DNMT3L: variants seen among roughly 807,000 people sequenced by gnomAD.
The protein encoded by DNMT3L is DNA (cytosine-5)-methyltransferase 3-like.
DNMT3L carries 33 observed loss-of-function variants against 36.2 expected under a neutral mutation model. The ratio of observed to expected loss-of-function variants is 0.91; its 90% CI spans 0.69 to 1.22. The LOEUF (loss-of-function observed/expected upper bound fraction) is 1.22. Ranked by LOEUF, DNMT3L falls within the 50% of genes most tolerant of loss-of-function variation. DNMT3L has a pLI of 0.00. For missense variants in DNMT3L, 310 were observed against 303.1 expected (o/e 1.02, Z -0.17); for synonymous variants, 117 against 121.7 (o/e 0.96, Z 0.26).
intron 3 of DNMT3L, among the ~76,000 whole-genome samples, chr21:44,260,188 G>C (rs1482658847): frequency 2.0e-5 from 3 of 152,106 alleles, no homozygotes; most frequent in African/African-American, 7.2e-5. Context: ...AATTCATACG[G>C]AAATGCAAAG....
At chr21:44,255,505 C>CAG (rs1555867982) in intron 7 of DNMT3L, among the ~76,000 whole-genome samples, 68 of 145,882 alleles carry the variant, frequency 4.7e-4, no homozygotes, top group South Asian at 2.4e-3. Context: ...GACTCCGCCT[C>CAG]AAAAAAAAAA....
rs540671024 is a variant in DNMT3L at position 44,254,986 on chromosome 21, C to T, written c.605-281G>A. The stretch of plus-strand genomic sequence containing the variant: ...GACTACAGGCATGTGCCACCACGCC[C>T]GGCTAATTTTTTTGTATTTTTAGTA... On this transcript the variant is annotated intron_variant, in intron 7 of 11. Transcript: ENST00000628202. 5.3e-5 allele frequency among the ~76,000 whole-genome samples: 8 copies of T among 152,152 alleles called. No individual in the cohort carries two copies. In the South Asian group the frequency reaches 1.0e-3, roughly 20 times the overall value.
rs953945825 is a variant in DNMT3L, at chr21:44,261,754, G to C, written c.-22C>G. The C allele has an allele frequency of 6.4e-6, 1 of 155,576 alleles. No individual in the cohort carries two copies. Among genetic ancestry groups the C allele is most frequent in the African/African-American group, 2.4e-5 (1 of 41,474 alleles). 9.6% of individuals were successfully genotyped at this position (155,576 alleles called of 1,614,324 possible). A position where few individuals can be genotyped will look rare whatever the true frequency, so the allele number is the denominator to read the frequency against. On this transcript the variant is annotated 5_prime_UTR_variant, in exon 1 of 12. Transcript: ENST00000628202. The stretch of plus-strand genomic sequence containing the variant: ...AAGAGACTCACAGGGCTGCTGCCAC[G>C]GCTCCGGGTACAGCCAGCTGGTGGG...
At chr21:44,261,317 C>G (rs2040317140) in intron 1 of DNMT3L, 51 bp from the exon 2 acceptor site, 2 of 1,556,822 alleles carry the variant, frequency 1.3e-6, no homozygotes, top group Non-Finnish European at 1.8e-6. Flanking sequence ...AGCCCCTGCT[C>G]AGATCCCTGA....
At chr21:44,259,345 G>A in intron 5 of DNMT3L, 92 bp downstream of exon 5, 1 of 1,312,188 alleles carries the variant, frequency 7.6e-7, no homozygotes, top group Non-Finnish European at 1.1e-6. Flanking sequence ...ATCCATTTGG[G>A]AAGAAAATCC....
chr21:44,257,696 ATAAATAAAT>A (rs1184852821), intron 6 of DNMT3L, among the ~76,000 whole-genome samples: 20 of 58,854 alleles, frequency 3.4e-4, no homozygotes, highest in Non-Finnish European at 4.7e-4. Flanking sequence ...AAAAAAAAAA[ATAAATAAAT>A]AAATAAATAA....
chr21:44,254,337 T>TG (rs779295407), intron 8 of DNMT3L, among the ~76,000 whole-genome samples: 1 of 152,232 alleles, frequency 6.6e-6, no homozygotes, highest in Non-Finnish European at 1.5e-5. Flanking sequence ...TGCCCTGCTC[T>TG]GAGCTCTGGG....
chr21:44,259,479 G>C lies in DNMT3L; in HGVS notation c.302C>G (p.Ser101Cys), dbSNP rs1568917212. Residue 101 changes from serine to cysteine, a missense_variant, in exon 5 of 12, where the codon TCC (serine) becomes TGC (cysteine). Coordinates refer to ENST00000628202, the MANE Select transcript of DNMT3L (RefSeq NM_175867.3). Reference protein sequence around the residue: ...GYQSYCSICCSGETLLICGNP... With the variant: ...GYQSYCSICCCGETLLICGNP... ...TCCGCAGATGAGCAGCGTCTCTCCG[G>C]AGCAGCAGATGGAGCAGTAGGATTG... The C allele has an allele frequency of 6.2e-7, 1 of 1,613,700 alleles. No homozygotes were observed. Among genetic ancestry groups the C allele is most frequent in the South Asian group, 1.1e-5 (1 of 91,074 alleles).
intron 8 of DNMT3L, among the ~76,000 whole-genome samples, chr21:44,253,330 A>G (rs2040233871): frequency 1.5e-5 from 2 of 130,178 alleles, no homozygotes; most frequent in Non-Finnish European, 3.2e-5. Context: ...GCCTGAACAC[A>G]TGCCCTTCAG....
In DNMT3L at chr21:44,258,736, C is replaced by T. The variant is rs2040287560; in HGVS notation, c.345-42G>A. ...AACCACAGCAGCGGACATGACAGCC[C>T]ACCTCTCCTGAGGATGGCAGAGGTG... On this transcript the variant is annotated intron_variant, in intron 5 of 11. Coordinates refer to ENST00000628202, the MANE Select transcript of DNMT3L (RefSeq NM_175867.3). This position sits in a 1 kb window ranked among gnomAD's most constrained non-coding sequence, Gnocchi z 6.2. 1 of 1,597,724 alleles carries T rather than the reference C, an allele frequency of 6.3e-7. No individual in the cohort carries two copies.
intron 7 of DNMT3L, 72 bp from the exon 8 acceptor site, chr21:44,254,777 TGACG>T (rs2040244612): frequency 2.7e-6 from 4 of 1,493,386 alleles, no homozygotes; most frequent in East Asian, 4.6e-5. Context: ...TCGAAAAGGC[TGACG>T]GACGATCAGA....
chr21:44,261,034 T>A, intron 2 of DNMT3L, 120 bp downstream of exon 2: 1 of 1,409,386 alleles, frequency 7.1e-7, no homozygotes, highest in East Asian at 2.3e-5. Context: ...GGGAACCTCC[T>A]GCCCCAGCCC....
In DNMT3L at chr21:44,256,054, A is replaced by G. The variant is rs903739974; in HGVS notation, c.604+13T>C. ...ATCTTTCCATGTGTGTCTTTGGGACATCACTGACTCACCTTTCTTGATGTC... is the reference window on the plus strand; with the variant it reads ...ATCTTTCCATGTGTGTCTTTGGGACGTCACTGACTCACCTTTCTTGATGTC... On this transcript the variant is annotated intron_variant, in intron 7 of 11. Transcript: ENST00000628202. 6.2e-7 allele frequency: 1 copy of G among 1,613,602 alleles called. No individual in the cohort carries two copies. Among genetic ancestry groups the G allele is most frequent in the Non-Finnish European group, 8.5e-7 (1 of 1,179,936 alleles).
rs2040279955 is a variant in DNMT3L, at chr21:44,258,172, G to C, written c.516+351C>G. Among the ~76,000 whole-genome samples the C allele has an allele frequency of 6.6e-6, 1 of 152,028 alleles. No homozygotes were observed. Among genetic ancestry groups the C allele is most frequent in the Admixed American group, 6.5e-5 (1 of 15,270 alleles). On this transcript the variant is annotated intron_variant, in intron 6 of 11. Transcript: ENST00000628202. The surrounding 1 kb of genome is among the most constrained non-coding windows in gnomAD (Gnocchi z 6.2). ...TCTGAGGTTCCTGCCGGCCCCCCTG[G>C]CTCCTCGGCTGGACTCCCAAAACGG...
intron 1 of DNMT3L, 101 bp from the exon 2 acceptor site, chr21:44,261,367 G>T: frequency 1.7e-6 from 2 of 1,145,634 alleles, no homozygotes; most frequent in Non-Finnish European, 2.5e-6. Flanking sequence ...AGCAGACCTT[G>T]ACTAGTTCAG....
At chr21:44,261,309 C>A (rs780640590) in intron 1 of DNMT3L, 43 bp from the exon 2 acceptor site, 31 of 1,584,930 alleles carry the variant, frequency 2.0e-5, no homozygotes, top group Non-Finnish European at 2.5e-5. Context: ...AAGCCGTCAG[C>A]CCCTGCTCAG....
In DNMT3L at chr21:44,258,658, GC is replaced by G. The variant is rs1568916801; in HGVS notation, c.380del (p.Gly127AlafsTer11). 6.2e-7 allele frequency: 1 copy of G among 1,612,942 alleles called. No homozygotes were observed. The highest frequency in any genetic ancestry group is 8.5e-7 in the Non-Finnish European group (1 of 1,179,988). On this transcript the variant is annotated frameshift_variant, in exon 6 of 12. Coordinates refer to ENST00000628202, the MANE Select transcript of DNMT3L (RefSeq NM_175867.3). LOFTEE classifies it high-confidence loss of function. The surrounding 1 kb of genome is among the most constrained non-coding windows in gnomAD (Gnocchi z 6.2). ...CGTGCACCTTCCCCGAGGTCCCGGG[GC>G]CGACCAGGCTATCCACACACTCGAA... ...YCFECVDSLV[G>X]PGTSGKVHAM...
Position 44,254,728 on chromosome 21 carries a change from G to C in DNMT3L, c.605-23C>G, listed in dbSNP as rs778909167. The C allele has an allele frequency of 1.9e-6, 3 of 1,613,204 alleles. No homozygotes were observed. The East Asian group carries it at 6.7e-5, about 36-fold the overall frequency. On this transcript the variant is annotated intron_variant, in intron 7 of 11. Coordinates refer to ENST00000628202, the MANE Select transcript of DNMT3L (RefSeq NM_175867.3). ...GCTCTGGATGGGGAGAGACCAGAAG[G>C]GCCCAGAGGGTGAGCGTGGATTGTG... is the stretch of plus-strand genomic sequence containing the variant.
chr21:44,257,015 C>T (rs544811981), intron 6 of DNMT3L, among the ~76,000 whole-genome samples: 1 of 152,348 alleles, frequency 6.6e-6, no homozygotes, highest in East Asian at 1.9e-4. Context: ...GTCCCTTGCT[C>T]CCCGCTGGCT....
Sources: gnomAD v4.1 joint callset for allele counts (sites outside exome capture counted in the v4.1 genomes callset) on GRCh38, gnomAD v4.1.1 for gene constraint, Gnocchi (gnomAD v3.1) non-coding constraint, MANE v1.5 for transcripts, NCBI Gene and HGNC (gene_info 2026-07-23, HGNC 2026-07-21) for gene names.